The following PPP2CB variants were observed in gnomAD, a reference collection of about 807,000 sequenced individuals.
PPP2CB encodes serine/threonine-protein phosphatase 2A catalytic subunit beta isoform.
Under a neutral mutation model 39.1 loss-of-function variants are expected in PPP2CB, and 18 were observed. The observed-to-expected ratio is 0.46, with a 90% CI of 0.32 to 0.68. The LOEUF (loss-of-function observed/expected upper bound fraction) is 0.68. Ranked by LOEUF, PPP2CB falls within the 30% of genes least tolerant of loss-of-function variation. The pLI, the probability that PPP2CB is intolerant of heterozygous loss-of-function variation, is 0.04. For missense variants in PPP2CB, 226 were observed against 396.9 expected (o/e 0.57, Z 3.66); for synonymous variants, 129 against 133.8 (o/e 0.96, Z 0.25).
chr8:30,787,734 T>C (rs1373133661), intron 6 of PPP2CB, among the ~76,000 whole-genome samples: 1 of 152,196 alleles, frequency 6.6e-6, no homozygotes, highest in Non-Finnish European at 1.5e-5. Flanking sequence ...CATTTATTTA[T>C]ATTCTTTTAA....
intron 6 of PPP2CB, among the ~76,000 whole-genome samples, chr8:30,788,549 CATGTT>C (rs1467111178): frequency 6.6e-6 from 1 of 152,212 alleles, no homozygotes; most frequent in Non-Finnish European, 1.5e-5. Flanking sequence ...AGCATCCAGC[CATGTT>C]AATGATTTCT....
intron 1 of PPP2CB, among the ~76,000 whole-genome samples, chr8:30,803,021 T>C (rs921177680): frequency 2.0e-5 from 3 of 152,190 alleles, no homozygotes; most frequent in Admixed American, 6.5e-5. Context: ...TCCAAACTTA[T>C]TGCATAAATG....
Position 30,793,904 on chromosome 8 carries a change from G to A in PPP2CB, c.738+13C>T, listed in dbSNP as rs1244437327. Reference sequence around the variant, plus strand: ...ATCTGAAATAAAGATCATTCTGTCAGGAAAGTACATACCTCCATTACAAGC... The same window carrying A: ...ATCTGAAATAAAGATCATTCTGTCAAGAAAGTACATACCTCCATTACAAGC... On this transcript the variant is annotated intron_variant, in intron 5 of 6. Transcript: ENST00000221138. 1 of 1,603,912 alleles carries A rather than the reference G, an allele frequency of 6.2e-7. No homozygotes were observed. Among genetic ancestry groups the A allele is most frequent in the Non-Finnish European group, 8.5e-7 (1 of 1,175,884 alleles).
chr8:30,793,922 T>C lies in PPP2CB; in HGVS notation c.733A>G (p.Met245Val). Residue 245 changes from methionine (M) to valine (V), a missense_variant, in exon 5 of 7, where the codon ATG (methionine) becomes GTG (valine). Physicochemically the swap from Met to Val is conservative, Grantham distance 21. Transcript: ENST00000221138. ...TCTGTCAGGAAAGTACATACCTCCA[T>C]TACAAGCTGGTGGGCACGAGAAACC... ...TLVSRAHQLV[M>V]EGYNWCHDRN... 6.2e-7 allele frequency: 1 copy of C among 1,612,082 alleles called. No homozygotes were observed. Among genetic ancestry groups the C allele is most frequent in the African/African-American group, 1.3e-5 (1 of 74,982 alleles).
chr8:30,805,306 T>A lies in PPP2CB; in HGVS notation c.103-5551A>T, dbSNP rs761228838. On this transcript the variant is annotated intron_variant, in intron 1 of 6. Coordinates refer to ENST00000221138, the MANE Select transcript of PPP2CB (RefSeq NM_001009552.2). ...TGGGCGCAGTGGCTCACGCCTGCAA[T>A]CCCAGCACTTTGGGAGGCTGAGGCA... is the stretch of plus-strand genomic sequence containing the variant. Among the ~76,000 whole-genome samples, 5 of 152,188 alleles carry A rather than the reference T, an allele frequency of 3.3e-5. No homozygotes were observed. The East Asian group carries it at 9.6e-4, about 29-fold the overall frequency.
chr8:30,798,095 A>G (rs1338386278), intron 2 of PPP2CB, among the ~76,000 whole-genome samples: 1 of 152,212 alleles, frequency 6.6e-6, no homozygotes, highest in Non-Finnish European at 1.5e-5. Context: ...TTTCTAGAAC[A>G]CTATGACTTC....
intron 1 of PPP2CB, among the ~76,000 whole-genome samples, chr8:30,804,926 C>T (rs755400255): frequency 9.5e-4 from 145 of 152,260 alleles, no homozygotes; most frequent in Non-Finnish European, 1.0e-3. Context: ...TCAAGCCCAT[C>T]ACTGTCCCCA....
chr8:30,809,093 T>A (rs966129343), intron 1 of PPP2CB, among the ~76,000 whole-genome samples: 1 of 149,718 alleles, frequency 6.7e-6, no homozygotes, highest in Non-Finnish European at 1.5e-5. Context: ...TTTTTTTTTT[T>A]AGTAGAGGCA....
At position 30,810,690 on chromosome 8, in the gene PPP2CB, T is replaced by C. The variant is rs891961544; in HGVS notation, c.102+1630A>G. On this transcript the variant is annotated intron_variant, in intron 1 of 6. Transcript: ENST00000221138. ...AATGAATGTCAACTGAAGCCACAAG[T>C]AAGCAGTTTGTTTCAGAAAGAGAAA... Among the ~76,000 whole-genome samples the C allele has an allele frequency of 4.6e-5, 7 of 152,232 alleles. 1 individual carries two copies. Among genetic ancestry groups the C allele is most frequent in the African/African-American group, 7.2e-5 (3 of 41,458 alleles).
intron 1 of PPP2CB, among the ~76,000 whole-genome samples, 157 bp downstream of exon 1, chr8:30,812,163 G>A (rs1356932882): frequency 1.3e-5 from 2 of 152,072 alleles, no homozygotes; most frequent in South Asian, 4.1e-4. Context: ...CTGAACCGAT[G>A]GGCCGGCCGC....
At chr8:30,809,730 C>T (rs1295434919) in intron 1 of PPP2CB, among the ~76,000 whole-genome samples, 2 of 151,976 alleles carry the variant, frequency 1.3e-5, no homozygotes, top group African/African-American at 2.4e-5. Flanking sequence ...CACTTGAGCC[C>T]GAGAGTTCGA....
chr8:30,806,166 G>T (rs1428885999), intron 1 of PPP2CB, among the ~76,000 whole-genome samples: 1 of 150,884 alleles, frequency 6.6e-6, no homozygotes, highest in Non-Finnish European at 1.5e-5. Flanking sequence ...TCTTGCCTCA[G>T]CCTCCCGAGT....
chr8:30,811,677 T>C (rs915593165), intron 1 of PPP2CB, among the ~76,000 whole-genome samples: 1 of 150,750 alleles, frequency 6.6e-6, no homozygotes, highest in African/African-American at 2.4e-5. Flanking sequence ...AAAAAATTTT[T>C]TGTGTGTGGA....
chr8:30,800,338 A>C (rs1382624656), intron 1 of PPP2CB, among the ~76,000 whole-genome samples: 2 of 152,228 alleles, frequency 1.3e-5, no homozygotes, highest in African/African-American at 4.8e-5. Flanking sequence ...CAGAATAGGC[A>C]AATCTTCAAG....
At chr8:30,794,163 TTTC>T (rs746551647) in intron 4 of PPP2CB, 26 bp downstream of exon 4, 42 of 1,608,954 alleles carry the variant, frequency 2.6e-5, no homozygotes, top group Middle Eastern at 1.7e-4. Context: ...TTTCTTTTCC[TTTC>T]TTCTTCTTTT....
At chr8:30,803,328 A>G (rs926833098) in intron 1 of PPP2CB, among the ~76,000 whole-genome samples, 1 of 152,096 alleles carries the variant, frequency 6.6e-6, no homozygotes, top group Non-Finnish European at 1.5e-5. Context: ...GGATCACTTG[A>G]GTCCAGGAGT....
chr8:30,791,231 T>C lies in PPP2CB; in HGVS notation c.823A>G (p.Ile275Val). 1.9e-6 allele frequency: 3 copies of C among 1,612,328 alleles called. No homozygotes were observed. Among genetic ancestry groups the C allele is most frequent in the South Asian group, 1.1e-5 (1 of 90,450 alleles). ...TTTAAAGTGTCATCTAATTCCATGA[T>C]AGCAGCCTGGTTCCCACAACGATAA... ...YCYRCGNQAAIMELDDTLKYS... is the reference protein window; with the variant it reads ...YCYRCGNQAAVMELDDTLKYS... The change falls in exon 6 of 7, where the codon ATC becomes GTC. Residue 275 changes from isoleucine to valine, a missense_variant. Physicochemically the swap from Ile to Val is conservative, Grantham distance 29 (BLOSUM62 3). Around this residue, in one of 4 missense-constraint regions of PPP2CB, gnomAD observed 56 missense variants for 92.0 expected, o/e 0.61. Coordinates refer to ENST00000221138, the MANE Select transcript of PPP2CB (RefSeq NM_001009552.2).
At chr8:30,804,379 G>T (rs1183508608) in intron 1 of PPP2CB, among the ~76,000 whole-genome samples, 3 of 152,144 alleles carry the variant, frequency 2.0e-5, no homozygotes, top group Non-Finnish European at 4.4e-5. Flanking sequence ...AGAGATCTCT[G>T]CCTGGGGGCT....
chr8:30,788,177 G>A (rs1435613421), intron 6 of PPP2CB, among the ~76,000 whole-genome samples: 5 of 150,930 alleles, frequency 3.3e-5, no homozygotes, highest in African/African-American at 1.2e-4. Context: ...CGTTTCATAA[G>A]CTTACATCAG....
Sources: allele counts gnomAD v4.1 joint callset (sites outside exome capture counted in the v4.1 genomes callset), GRCh38; gene constraint gnomAD v4.1.1; regional missense constraint gnomAD v4.1.1; transcripts MANE v1.5; gene names NCBI Gene and HGNC (gene_info 2026-07-23, HGNC 2026-07-21).